The following NRXN3 variants were observed in gnomAD, a reference collection of about 807,000 sequenced individuals.
NRXN3 encodes the protein neurexin 3.
A neutral mutation model predicts 137.6 loss-of-function variants in NRXN3; 32 were observed. That is an observed-to-expected ratio of 0.23 (90% CI 0.18 to 0.31). NRXN3 has a LOEUF of 0.31. Ranked by LOEUF, NRXN3 falls within the 10% of genes least tolerant of loss-of-function variation. The probability of loss-of-function intolerance (pLI) is 1.00; values close to 1 mark genes in which losing one functional copy is unlikely to be tolerated. For missense variants in NRXN3, 1,574 were observed against 2,062.5 expected (o/e 0.76, Z 4.59); for synonymous variants, 798 against 784.5 (o/e 1.02, Z -0.29).
intron 16 of NRXN3, among the ~76,000 whole-genome samples, chr14:79,513,794 C>T (rs2096955633): frequency 6.6e-6 from 1 of 152,258 alleles, no homozygotes; most frequent in South Asian, 2.1e-4. Flanking sequence ...TTCTTGCCAC[C>T]ACATCATAGG....
chr14:78,403,665 G>C, intron 4 of NRXN3: 1 of 960,982 alleles, frequency 1.0e-6, no homozygotes, highest in Non-Finnish European at 1.2e-6. Flanking sequence ...GCAAAATCAC[G>C]AACACCGAGG....
intron 15 of NRXN3, among the ~76,000 whole-genome samples, chr14:79,029,130 A>G: frequency 6.6e-6 from 1 of 152,098 alleles, no homozygotes; most frequent in Non-Finnish European, 1.5e-5. Flanking sequence ...GGAGGAAATA[A>G]AAGAAAAAAG....
intron 15 of NRXN3, among the ~76,000 whole-genome samples, chr14:79,104,650 A>G (rs761234822): frequency 1.3e-5 from 2 of 152,138 alleles, no homozygotes; most frequent in Non-Finnish European, 2.9e-5. Context: ...GAGGTAATCA[A>G]CTTCTCATTA....
intron 20 of NRXN3, among the ~76,000 whole-genome samples, chr14:79,824,636 G>C (rs993163379): frequency 6.6e-6 from 1 of 152,110 alleles, no homozygotes; most frequent in Admixed American, 6.6e-5. Flanking sequence ...ATTCAAACAA[G>C]GTTGTTTAAA....
intron 16 of NRXN3, among the ~76,000 whole-genome samples, chr14:79,605,998 TAGA>T (rs1233631622): frequency 3.3e-5 from 5 of 152,138 alleles, no homozygotes; most frequent in African/African-American, 9.7e-5. Context: ...AGTTCCAAAG[TAGA>T]AGGAGCTTGA....
At chr14:79,714,584 G>GTAAC (rs2098817180) in intron 19 of NRXN3, among the ~76,000 whole-genome samples, 1 of 151,984 alleles carries the variant, frequency 6.6e-6, no homozygotes, top group Non-Finnish European at 1.5e-5. Context: ...GAGATTTGAG[G>GTAAC]TAACTGTCTA....
chr14:78,403,767 A>G, intron 4 of NRXN3: 4 of 985,468 alleles, frequency 4.1e-6, no homozygotes, highest in Non-Finnish European at 4.8e-6. Context: ...GGAGGGCTTG[A>G]GGAATGTGGT....
chr14:79,359,690 C>T (rs552954908), intron 15 of NRXN3, among the ~76,000 whole-genome samples: 9 of 151,914 alleles, frequency 5.9e-5, no homozygotes, highest in Admixed American at 2.6e-4. Context: ...CCTGCCTCAG[C>T]CTCCCAAGTA....
At chr14:78,905,634 G>A (rs907580869) in intron 10 of NRXN3, among the ~76,000 whole-genome samples, 2 of 151,866 alleles carry the variant, frequency 1.3e-5, no homozygotes, top group East Asian at 3.9e-4. Flanking sequence ...AGCACCTAAT[G>A]TCATAGCTTT....
intron 1 of NRXN3, among the ~76,000 whole-genome samples, chr14:78,213,193 G>T (rs140691488): frequency 1.3e-3 from 192 of 152,310 alleles, no homozygotes; most frequent in Non-Finnish European, 2.4e-3. Context: ...AGGATGTGCT[G>T]CCTGAGTCCC....
At chr14:78,863,728 C>T (rs187996371) in intron 10 of NRXN3, among the ~76,000 whole-genome samples, 34 of 152,122 alleles carry the variant, frequency 2.2e-4, no homozygotes, top group African/African-American at 7.9e-4. Flanking sequence ...TAAAAAGGAG[C>T]CTTTAATTCA....
chr14:78,332,814 G>A (rs1021509115), intron 4 of NRXN3, among the ~76,000 whole-genome samples: 8 of 128,626 alleles, frequency 6.2e-5, no homozygotes, highest in African/African-American at 2.2e-4. Context: ...TGGTATGGGA[G>A]ACAGTTTTGT....
intron 6 of NRXN3, among the ~76,000 whole-genome samples, chr14:78,670,036 G>T (rs2097920473): frequency 1.3e-5 from 2 of 150,884 alleles, no homozygotes; most frequent in African/African-American, 2.4e-5. Flanking sequence ...ACAGGCCCCA[G>T]TGTGTGATGT....
Position 79,599,596 on chromosome 14 carries a change from A to G in NRXN3, c.3445-64182A>G, listed in dbSNP as rs568784163. On this transcript the variant is annotated intron_variant, in intron 16 of 20. Transcript: ENST00000335750. ...TTTACCTGATACCATCTATTTCAACAATAACAATAATAACAACAATAATGA... is the reference window on the plus strand; with the variant it reads ...TTTACCTGATACCATCTATTTCAACGATAACAATAATAACAACAATAATGA... 9.2e-5 allele frequency among the ~76,000 whole-genome samples: 14 copies of G among 152,328 alleles called. No individual in the cohort carries two copies. The South Asian group carries it at 2.9e-3, about 32-fold the overall frequency.
chr14:79,701,115 G>A (rs1388058930), intron 19 of NRXN3, among the ~76,000 whole-genome samples: 1 of 151,984 alleles, frequency 6.6e-6, no homozygotes, highest in Non-Finnish European at 1.5e-5. Context: ...TGATCAGGGT[G>A]CTTTGGCCAA....
intron 14 of NRXN3, among the ~76,000 whole-genome samples, chr14:78,973,639 T>C (rs2099452466): frequency 6.6e-6 from 1 of 152,180 alleles, no homozygotes; most frequent in Non-Finnish European, 1.5e-5. Context: ...TTAGTGAATA[T>C]CTATTGCAGA....
intron 15 of NRXN3, among the ~76,000 whole-genome samples, chr14:79,375,742 T>A (rs2094254586): frequency 6.6e-6 from 1 of 152,076 alleles, no homozygotes; most frequent in Non-Finnish European, 1.5e-5. Flanking sequence ...CAACCTTCCC[T>A]AGGCATAATA....
At chr14:79,100,003 G>A (rs997066141) in intron 15 of NRXN3, among the ~76,000 whole-genome samples, 2 of 152,216 alleles carry the variant, frequency 1.3e-5, no homozygotes, top group Non-Finnish European at 2.9e-5. Flanking sequence ...TAGACAAAAT[G>A]TGTTTAAGTT....
intron 15 of NRXN3, among the ~76,000 whole-genome samples, chr14:79,356,304 T>C (rs1350863079): frequency 6.6e-6 from 1 of 152,166 alleles, no homozygotes; most frequent in Non-Finnish European, 1.5e-5. Context: ...GTGTTATTTA[T>C]GCAGGCATAG....
Sources: gnomAD v4.1 joint callset for allele counts (sites outside exome capture counted in the v4.1 genomes callset) on GRCh38, gnomAD v4.1.1 for gene constraint, MANE v1.5 for transcripts, NCBI Gene and HGNC (gene_info 2026-07-23, HGNC 2026-07-21) for gene names.